Variants in MYT1L observed in about 807,000 individuals in gnomAD.
MYT1L encodes myelin transcription factor 1-like protein.
A neutral mutation model predicts 126.7 loss-of-function variants in MYT1L; 12 were observed. That is an observed-to-expected ratio of 0.09 (90% CI 0.06 to 0.15). The LOEUF (loss-of-function observed/expected upper bound fraction) is 0.15, where lower values mean the gene tolerates loss of function less well. Among genes scored for constraint, MYT1L ranks in the 10% least tolerant of loss-of-function variants. MYT1L has a pLI of 1.00. For missense variants in MYT1L, 979 were observed against 1,585.2 expected (o/e 0.62, Z 6.49); for synonymous variants, 541 against 604.2 (o/e 0.90, Z 1.53).
chr2:2,168,174 C>T (rs1007588177), intron 3 of MYT1L, among the ~76,000 whole-genome samples: 2 of 152,034 alleles, frequency 1.3e-5, no homozygotes, highest in Non-Finnish European at 2.9e-5. Flanking sequence ...CTCTGCAGAA[C>T]GGTGTGGGCT....
At chr2:2,126,578 A>T (rs2081729914) in intron 3 of MYT1L, among the ~76,000 whole-genome samples, 1 of 152,170 alleles carries the variant, frequency 6.6e-6, no homozygotes, top group South Asian at 2.1e-4. Flanking sequence ...TGATCAGAGG[A>T]ACCAATCCAG....
intron 18 of MYT1L, among the ~76,000 whole-genome samples, chr2:1,853,178 C>A (rs960561852): frequency 6.6e-6 from 1 of 152,176 alleles, no homozygotes; most frequent in African/African-American, 2.4e-5. Context: ...TAATTTATGA[C>A]CTGCTCCCGG....
At position 2,261,005 on chromosome 2, in the gene MYT1L, G is replaced by T. The variant is rs543661977; in HGVS notation, c.-421+23399C>A. ...ACTTTGTTAACGGTGTTATTTATCA[G>T]ATTACTCAGAGATTGAGCACCAACA... is the stretch of plus-strand genomic sequence containing the variant. On this transcript the variant is annotated intron_variant, in intron 2 of 24. Coordinates refer to ENST00000647738, the MANE Select transcript of MYT1L (RefSeq NM_001303052.2). 5.3e-5 allele frequency among the ~76,000 whole-genome samples: 8 copies of T among 152,278 alleles called. No homozygotes were observed. The South Asian group carries it at 1.7e-3, about 32-fold the overall frequency.
chr2:2,120,841 C>T (rs1408954261), intron 3 of MYT1L, among the ~76,000 whole-genome samples: 2 of 151,258 alleles, frequency 1.3e-5, no homozygotes, highest in Non-Finnish European at 2.9e-5. Context: ...ATACCTCGCT[C>T]ATAGCGACCA....
At chr2:2,004,698 C>T (rs1284290975) in intron 4 of MYT1L, among the ~76,000 whole-genome samples, 1 of 131,786 alleles carries the variant, frequency 7.6e-6, no homozygotes, top group East Asian at 2.6e-4. Flanking sequence ...TGCATTCTTT[C>T]CTGTGTGCCT....
At chr2:2,001,991 C>T (rs2062438273) in intron 4 of MYT1L, among the ~76,000 whole-genome samples, 1 of 152,164 alleles carries the variant, frequency 6.6e-6, no homozygotes, top group Non-Finnish European at 1.5e-5. Flanking sequence ...ATAGATTTTA[C>T]ATCTTGATCC....
intron 3 of MYT1L, among the ~76,000 whole-genome samples, chr2:2,148,739 C>A (rs1200591571): frequency 6.6e-6 from 1 of 152,146 alleles, no homozygotes; most frequent in Non-Finnish European, 1.5e-5. Flanking sequence ...TTGGGGTAAA[C>A]AACATGAACA....
chr2:2,305,279 C>T (rs946393019), intron 1 of MYT1L, among the ~76,000 whole-genome samples: 4 of 152,118 alleles, frequency 2.6e-5, no homozygotes, highest in Non-Finnish European at 4.4e-5. Flanking sequence ...ATGCAAAGAA[C>T]ATTTCACAGT....
intron 18 of MYT1L, among the ~76,000 whole-genome samples, chr2:1,862,181 G>A (rs1229234831): frequency 3.3e-5 from 5 of 151,884 alleles, no homozygotes; most frequent in Admixed American, 2.0e-4. Flanking sequence ...TTTCTACCAC[G>A]GAATCTGCCT....
At chr2:2,004,078 C>A (rs1179353194) in intron 4 of MYT1L, among the ~76,000 whole-genome samples, 18 of 149,418 alleles carry the variant, frequency 1.2e-4, no homozygotes, top group Non-Finnish European at 2.2e-4. Context: ...TTCTTTCCTG[C>A]ATATGTTCTT....
chr2:2,294,878 C>G (rs1254990709), intron 1 of MYT1L, among the ~76,000 whole-genome samples: 1 of 152,078 alleles, frequency 6.6e-6, no homozygotes, highest in Non-Finnish European at 1.5e-5. Flanking sequence ...TCCCTGTCCG[C>G]AAGAAGCTAA....
chr2:1,870,864 C>T (rs1000776555), intron 18 of MYT1L, among the ~76,000 whole-genome samples: 3 of 152,218 alleles, frequency 2.0e-5, no homozygotes, highest in Admixed American at 6.5e-5. Flanking sequence ...AAGTGTCCTA[C>T]GTGTGGAAGC....
intron 21 of MYT1L, among the ~76,000 whole-genome samples, chr2:1,810,576 C>T (rs548113866): frequency 1.3e-5 from 2 of 152,274 alleles, no homozygotes; most frequent in South Asian, 4.2e-4. Context: ...TATCTAGAAA[C>T]ACTCTTTACT....
chr2:1,875,317 G>C (rs1228732644), intron 18 of MYT1L, among the ~76,000 whole-genome samples: 1 of 152,188 alleles, frequency 6.6e-6, no homozygotes, highest in East Asian at 1.9e-4. Context: ...CTGGATTTCA[G>C]AAAACAGGGA....
At chr2:2,008,000 A>G (rs947098558) in intron 4 of MYT1L, among the ~76,000 whole-genome samples, 2 of 152,192 alleles carry the variant, frequency 1.3e-5, no homozygotes, top group African/African-American at 4.8e-5. Flanking sequence ...GGTCCTGCAG[A>G]GAGCATCTCT....
intron 21 of MYT1L, chr2:1,816,629 A>G (rs1035796721): frequency 1.3e-5 from 2 of 152,820 alleles, no homozygotes; most frequent in African/African-American, 4.8e-5. Context: ...CGCCAAGACG[A>G]AGGCGCATAA....
chr2:2,068,763 C>CTTTTTT (rs2074200623), intron 3 of MYT1L, among the ~76,000 whole-genome samples: 1 of 6,484 alleles, frequency 1.5e-4, no homozygotes, highest in Non-Finnish European at 3.9e-4. Flanking sequence ...CACCTGTGTT[C>CTTTTTT]TTCTTGTTTT....
At chr2:2,087,036 G>A (rs1032367214) in intron 3 of MYT1L, among the ~76,000 whole-genome samples, 1 of 152,196 alleles carries the variant, frequency 6.6e-6, no homozygotes, top group African/African-American at 2.4e-5. Flanking sequence ...TGCCCTCTGA[G>A]TTGAAGGATG....
intron 1 of MYT1L, among the ~76,000 whole-genome samples, chr2:2,314,202 CTT>C (rs34798335): frequency 1.2e-4 from 19 of 152,234 alleles, no homozygotes; most frequent in African/African-American, 4.3e-4. Context: ...TTTTTGGAAA[CTT>C]TTTAAAAAGC....
Sources: allele counts gnomAD v4.1 joint callset (sites outside exome capture counted in the v4.1 genomes callset), GRCh38; gene constraint gnomAD v4.1.1; transcripts MANE v1.5; gene names NCBI Gene and HGNC (gene_info 2026-07-23, HGNC 2026-07-21).